Variants in WIPI2 observed in about 807,000 individuals in gnomAD.
The protein encoded by WIPI2 is WD repeat domain, phosphoinositide interacting 2, also known as WD repeat domain phosphoinositide-interacting protein 2.
A neutral mutation model predicts 52.3 loss-of-function variants in WIPI2; 28 were observed. The observed-to-expected ratio is 0.54, with a 90% CI of 0.40 to 0.73. The LOEUF is 0.73. Among genes scored for constraint, WIPI2 ranks in the 30% least tolerant of loss-of-function variants. The pLI is 0.00. For synonymous variants in WIPI2, 268 were observed against 245.0 expected, an observed-to-expected ratio of 1.09 and a Z score of -0.88; for missense variants, 506 against 602.9, an observed-to-expected ratio of 0.84 and a Z score of 1.68.
rs954741744 is a variant in WIPI2, at chr7:5,230,709, C to A, written c.1253-126C>A. ...ATTAGAAAGCAATCAGAATTCAGAACGTCTTAGTACAGGCTTCAGTTTATA... is the reference window on the plus strand; with the variant it reads ...ATTAGAAAGCAATCAGAATTCAGAAAGTCTTAGTACAGGCTTCAGTTTATA... On this transcript the variant is annotated intron_variant, in intron 12 of 12. Coordinates refer to ENST00000288828, the MANE Select transcript of WIPI2 (RefSeq NM_015610.4). This position sits in a 1 kb window ranked among gnomAD's most constrained non-coding sequence, Gnocchi z 4.8. The A allele has an allele frequency of 5.3e-6, 3 of 561,680 alleles. No individual in the cohort carries two copies. Among genetic ancestry groups the A allele is most frequent in the Non-Finnish European group, 8.9e-6 (3 of 335,846 alleles). The allele number at this position is 561,680 out of a possible 1,614,324, so 34.8% of individuals were successfully genotyped here.
At chr7:5,205,754 T>A (rs1286709086) in intron 3 of WIPI2, among the ~76,000 whole-genome samples, 1 of 152,010 alleles carries the variant, frequency 6.6e-6, no homozygotes, top group Non-Finnish European at 1.5e-5. Flanking sequence ...GTGATCCACC[T>A]GCCTCTGCCT....
chr7:5,214,717 C>T lies in WIPI2; in HGVS notation c.381+13C>T. 1 of 1,613,040 alleles carries T rather than the reference C, an allele frequency of 6.2e-7. No individual in the cohort carries two copies. Among genetic ancestry groups the T allele is most frequent in the Non-Finnish European group, 8.5e-7 (1 of 1,179,976 alleles). On this transcript the variant is annotated intron_variant, in intron 4 of 12. Coordinates refer to ENST00000288828, the MANE Select transcript of WIPI2 (RefSeq NM_015610.4). Reference sequence around the variant, plus strand: ...GCTCAACAGGCAGGTGAGCGCTGCCCCAGCTGGGTGTGGGCTTGTCTGTTG... The same window carrying T: ...GCTCAACAGGCAGGTGAGCGCTGCCTCAGCTGGGTGTGGGCTTGTCTGTTG...
At chr7:5,216,832 G>GCT (rs1451456686) in intron 5 of WIPI2, 173 bp downstream of exon 5, 2 of 716,218 alleles carry the variant, frequency 2.8e-6, no homozygotes, top group Non-Finnish European at 4.6e-6. Flanking sequence ...GACCACATAA[G>GCT]CTCATTGGTT....
rs772181590 is a variant in WIPI2, at chr7:5,218,002, G to A, written c.657G>A (p.Thr219=). 1.5e-5 allele frequency: 25 copies of A among 1,614,084 alleles called. No homozygotes were observed. The highest frequency in any genetic ancestry group is 4.4e-5 in the South Asian group (4 of 91,086). Residue 219 remains threonine (T), a synonymous_variant, in exon 7 of 13, where the codon ACG becomes ACA. Transcript: ENST00000288828. The part of the protein sequence containing the change: ...AFDASGTKLA[T]ASEKGTVIRV... ...ACGCAAGTGGAACTAAACTTGCCAC[G>A]GCTTCGGAGAAGGTGAGTCTGCTTT...
intron 3 of WIPI2, among the ~76,000 whole-genome samples, chr7:5,206,934 T>C (rs1479367261): frequency 6.6e-6 from 1 of 152,156 alleles, no homozygotes; most frequent in East Asian, 1.9e-4. Flanking sequence ...TGCACCGCCA[T>C]GCTCAGCTAA....
intron 2 of WIPI2, chr7:5,193,430 G>A: frequency 9.4e-7 from 1 of 1,059,992 alleles, no homozygotes; most frequent in Non-Finnish European, 1.3e-6. Context: ...CAAGTCTTGT[G>A]TTTGTAGAAT....
rs2115313291 is a variant in WIPI2 at position 5,225,944 on chromosome 7, A to G, written c.848+14A>G. 1 of 1,607,200 alleles carries G rather than the reference A, an allele frequency of 6.2e-7. No homozygotes were observed. The highest frequency in any genetic ancestry group is 8.5e-7 in the Non-Finnish European group (1 of 1,175,702). ...TGTGAAAGAAAAGTGAGTTGCAAAT[A>G]TACGTTTCTTTAAAAATGATGCAAA... On this transcript the variant is annotated intron_variant, in intron 9 of 12. Transcript: ENST00000288828.
chr7:5,229,744 G>C lies in WIPI2; in HGVS notation c.1252+6G>C, dbSNP rs1583598718. On this transcript the variant is annotated splice_donor_region_variant and intron_variant, in intron 12 of 12. Coordinates refer to ENST00000288828, the MANE Select transcript of WIPI2 (RefSeq NM_015610.4). The stretch of plus-strand genomic sequence containing the variant: ...TTCATCCCCAACGAGACTTGGTAAG[G>C]GGCGTGACGCAAACCTGGAAGGTAA... The C allele has an allele frequency of 6.2e-7, 1 of 1,613,538 alleles. No homozygotes were observed. Among genetic ancestry groups the C allele is most frequent in the Non-Finnish European group, 8.5e-7 (1 of 1,179,698 alleles).
Position 5,219,926 on chromosome 7 carries a change from C to T in WIPI2, c.669+1912C>T, listed in dbSNP as rs975344630. On this transcript the variant is annotated intron_variant, in intron 7 of 12. Coordinates refer to ENST00000288828, the MANE Select transcript of WIPI2 (RefSeq NM_015610.4). ...TCTCTGCTCTATGCAACCTCCATCT[C>T]CCAGGCTTAAGTGATCTTCCTACTT... Among the ~76,000 whole-genome samples the T allele has an allele frequency of 3.2e-4, 48 of 151,818 alleles. 1 individual carries two copies. Among genetic ancestry groups the T allele is most frequent in the African/African-American group, 9.2e-4 (38 of 41,318 alleles).
intron 7 of WIPI2, among the ~76,000 whole-genome samples, chr7:5,219,327 C>A (rs1261769426): frequency 1.3e-5 from 2 of 152,162 alleles, no homozygotes; most frequent in Non-Finnish European, 2.9e-5. Flanking sequence ...CTTTTCTTTT[C>A]CCTTTGAAAT....
At chr7:5,228,333 A>G (rs1292403708) in intron 11 of WIPI2, 122 bp downstream of exon 11, 1 of 937,596 alleles carries the variant, frequency 1.1e-6, no homozygotes, top group African/African-American at 1.7e-5. Context: ...ATTCCAGCAC[A>G]GCGGCCCATG....
chr7:5,218,040 C>T (rs1782912721), intron 7 of WIPI2, 26 bp downstream of exon 7: 5 of 1,611,460 alleles, frequency 3.1e-6, no homozygotes, highest in Non-Finnish European at 4.2e-6. Flanking sequence ...CCCGGGGGAG[C>T]ACTGGTGCCA....
chr7:5,228,967 C>T (rs1783581968), intron 11 of WIPI2, among the ~76,000 whole-genome samples: 1 of 152,168 alleles, frequency 6.6e-6, no homozygotes, highest in Admixed American at 6.5e-5. Flanking sequence ...AGCCTCCTGC[C>T]TTGGCCTCCC....
At chr7:5,199,477 G>A (rs1298509736) in intron 2 of WIPI2, 99 bp from the exon 3 acceptor site, 2 of 978,116 alleles carry the variant, frequency 2.0e-6, no homozygotes, top group Non-Finnish European at 3.2e-6. Context: ...GGGCACGCGG[G>A]GAACTTGCTG....
chr7:5,214,952 C>T lies in WIPI2; in HGVS notation c.381+248C>T, dbSNP rs1413339223. Among the ~76,000 whole-genome samples the T allele has an allele frequency of 4.6e-5, 7 of 152,346 alleles. No individual in the cohort carries two copies. The East Asian group carries it at 1.2e-3, about 25-fold the overall frequency. The stretch of plus-strand genomic sequence containing the variant: ...CCCATACAGGCGTCCCCGGCCCCAC[C>T]CAGAGGGTGGATGGCAGTCTCTTTC... On this transcript the variant is annotated intron_variant, in intron 4 of 12. Transcript: ENST00000288828.
chr7:5,204,214 C>T (rs557163980), intron 3 of WIPI2, among the ~76,000 whole-genome samples: 3 of 152,158 alleles, frequency 2.0e-5, no homozygotes, highest in Non-Finnish European at 4.4e-5. Context: ...CGCCTGTTAT[C>T]CCAACACTTT....
rs1358913771 is a variant in WIPI2, at chr7:5,214,760, G to A, written c.381+56G>A. The stretch of plus-strand genomic sequence containing the variant: ...GTCTGTTGCTCCCTCCAGCACTCTG[G>A]GACAAGCCCACCCCACCGGCATGCC... On this transcript the variant is annotated intron_variant, in intron 4 of 12. Coordinates refer to ENST00000288828, the MANE Select transcript of WIPI2 (RefSeq NM_015610.4). 1.0e-5 allele frequency: 16 copies of A among 1,591,182 alleles called. No individual in the cohort carries two copies. The African/African-American group carries it at 1.6e-4, about 16-fold the overall frequency.
intron 2 of WIPI2, among the ~76,000 whole-genome samples, chr7:5,196,127 G>A (rs1781734971): frequency 1.3e-5 from 2 of 152,064 alleles, no homozygotes; most frequent in Middle Eastern, 3.4e-3. Flanking sequence ...ATCACCTGAG[G>A]TCAAGAGTTC....
At chr7:5,225,760 G>T in intron 8 of WIPI2, 63 bp from the exon 9 acceptor site, 1 of 1,228,692 alleles carries the variant, frequency 8.1e-7, no homozygotes, top group South Asian at 1.3e-5. Flanking sequence ...TCCGCCACTT[G>T]AGTTGAACCC....
Sources: allele counts gnomAD v4.1 joint callset (sites outside exome capture counted in the v4.1 genomes callset), GRCh38; gene constraint gnomAD v4.1.1; non-coding constraint Gnocchi (gnomAD v3.1); transcripts MANE v1.5; gene names NCBI Gene and HGNC (gene_info 2026-07-23, HGNC 2026-07-21).